Variants in MAGI2 observed in about 807,000 individuals in gnomAD.
The protein encoded by MAGI2 is membrane-associated guanylate kinase, WW and PDZ domain-containing protein 2.
A neutral mutation model predicts 133.3 loss-of-function variants in MAGI2; 35 were observed. That is an observed-to-expected ratio of 0.26 (90% CI 0.20 to 0.35). The LOEUF is 0.35. MAGI2 is among the 10% of genes least tolerant of loss of function. The pLI is 1.00. For synonymous variants in MAGI2, 729 were observed against 710.6 expected, an observed-to-expected ratio of 1.03 and a Z score of -0.41; for missense variants, 1,636 against 1,863.4, an observed-to-expected ratio of 0.88 and a Z score of 2.25.
In MAGI2 at chr7:79,284,500, A is replaced by T. The variant is rs1193776265; in HGVS notation, c.301+168520T>A. Among the ~76,000 whole-genome samples, 5 of 152,084 alleles carry T rather than the reference A, an allele frequency of 3.3e-5. No individual in the cohort carries two copies. In the South Asian group the frequency reaches 1.0e-3, roughly 31 times the overall value. On this transcript the variant is annotated intron_variant, in intron 1 of 21. Coordinates refer to ENST00000354212, the MANE Select transcript of MAGI2 (RefSeq NM_012301.4). Reference sequence around the variant, plus strand: ...ATATGCTGGCCTCTTCCAATTTTTCATCCTCCTACTCATGACTTATTTTCT... The same window carrying T: ...ATATGCTGGCCTCTTCCAATTTTTCTTCCTCCTACTCATGACTTATTTTCT...
intron 2 of MAGI2, among the ~76,000 whole-genome samples, chr7:78,632,724 T>C (rs566357318): frequency 8.5e-4 from 130 of 152,184 alleles, no homozygotes; most frequent in Non-Finnish European, 1.6e-3. Flanking sequence ...GACACTTACA[T>C]GTCAACCCTC....
At chr7:79,189,275 G>C (rs1457570804) in intron 1 of MAGI2, among the ~76,000 whole-genome samples, 1 of 140,756 alleles carries the variant, frequency 7.1e-6, no homozygotes, top group East Asian at 2.1e-4. Flanking sequence ...ACAATCCTAG[G>C]AGCCTCATTC....
intron 1 of MAGI2, among the ~76,000 whole-genome samples, chr7:79,042,978 G>T (rs1191408391): frequency 6.6e-6 from 1 of 152,066 alleles, no homozygotes; most frequent in Non-Finnish European, 1.5e-5. Flanking sequence ...GCTCCTGAAT[G>T]ATTTTTGGGT....
chr7:78,970,024 C>T (rs1393735467), intron 2 of MAGI2, among the ~76,000 whole-genome samples: 1 of 151,970 alleles, frequency 6.6e-6, no homozygotes, highest in Non-Finnish European at 1.5e-5. Context: ...ATGCATGCTG[C>T]CACCATTCCC....
At chr7:78,785,609 A>G (rs572874868) in intron 2 of MAGI2, among the ~76,000 whole-genome samples, 1 of 152,280 alleles carries the variant, frequency 6.6e-6, no homozygotes, top group South Asian at 2.1e-4. Context: ...ATTTACTCAC[A>G]TAATTGCTTC....
intron 21 of MAGI2, among the ~76,000 whole-genome samples, chr7:78,030,911 A>G (rs1360803055): frequency 6.6e-6 from 1 of 152,198 alleles, no homozygotes; most frequent in African/African-American, 2.4e-5. Flanking sequence ...TCACACAAAA[A>G]CCTGTATGCG....
intron 3 of MAGI2, among the ~76,000 whole-genome samples, chr7:78,573,305 T>TATATATATATATTTATATATATAA (rs1801871719): frequency 3.1e-5 from 2 of 64,596 alleles, no homozygotes; most frequent in Admixed American, 5.3e-4. Flanking sequence ...TATATATTTA[T>TATATATATATATTTATATATATAA]ATATATAAAT....
Position 79,136,080 on chromosome 7 carries a change from A to G in MAGI2, c.302-128874T>C, listed in dbSNP as rs535747911. On this transcript the variant is annotated intron_variant, in intron 1 of 21. Transcript: ENST00000354212. Reference sequence around the variant, plus strand: ...AAGAAAGAAAGAAGGAAAGAAAGAAAGAAAGAAAGAAAGAAAGAAAGAAAG... The same window carrying G: ...AAGAAAGAAAGAAGGAAAGAAAGAAGGAAAGAAAGAAAGAAAGAAAGAAAG... 1.9e-3 allele frequency among the ~76,000 whole-genome samples: 238 copies of G among 128,110 alleles called. 2 individuals are homozygous for G. Among genetic ancestry groups the G allele is most frequent in the African/African-American group, 6.3e-3 (193 of 30,548 alleles). 84.0% of individuals were successfully genotyped at this position (128,110 alleles called of 152,430 possible).
At chr7:78,858,118 T>G (rs892056620) in intron 2 of MAGI2, among the ~76,000 whole-genome samples, 1 of 152,226 alleles carries the variant, frequency 6.6e-6, no homozygotes, top group Non-Finnish European at 1.5e-5. Context: ...CATTTTTTAT[T>G]GCATCTATTT....
At chr7:79,021,847 T>TC (rs71095374) in intron 1 of MAGI2, among the ~76,000 whole-genome samples, 89,279 of 151,894 alleles carry the variant, frequency 0.59, 26,563 homozygotes, top group East Asian at 0.63. Context: ...TGCGTCTTTG[T>TC]CCCAACCAAA....
chr7:78,533,782 A>G (rs1011534901), intron 3 of MAGI2, among the ~76,000 whole-genome samples: 1 of 152,242 alleles, frequency 6.6e-6, no homozygotes, highest in Non-Finnish European at 1.5e-5. Flanking sequence ...TCTGAAAAAA[A>G]GTAAGACTCA....
At chr7:78,306,728 T>C (rs1219687827) in intron 9 of MAGI2, among the ~76,000 whole-genome samples, 1 of 152,180 alleles carries the variant, frequency 6.6e-6, no homozygotes, top group Non-Finnish European at 1.5e-5. Context: ...GGCTATCATT[T>C]GACACATTTC....
intron 9 of MAGI2, among the ~76,000 whole-genome samples, chr7:78,340,303 T>C (rs538618449): frequency 4.5e-4 from 69 of 152,234 alleles, no homozygotes; most frequent in Non-Finnish European, 8.1e-4. Flanking sequence ...ATTTCTGAAA[T>C]TGAGGCAGTA....
At chr7:78,972,969 A>G (rs1182912508) in intron 2 of MAGI2, among the ~76,000 whole-genome samples, 1 of 140,544 alleles carries the variant, frequency 7.1e-6, no homozygotes, top group Non-Finnish European at 1.6e-5. Context: ...ACACACACAC[A>G]CAGAGTTTTC....
intron 3 of MAGI2, among the ~76,000 whole-genome samples, chr7:78,626,881 A>G (rs1385194624): frequency 6.6e-6 from 1 of 150,632 alleles, no homozygotes; most frequent in Non-Finnish European, 1.5e-5. Flanking sequence ...GTATATATAT[A>G]ATAGGTGTAT....
intron 9 of MAGI2, among the ~76,000 whole-genome samples, chr7:78,322,663 G>A (rs192982074): frequency 4.0e-4 from 61 of 152,208 alleles, no homozygotes; most frequent in African/African-American, 1.4e-3. Flanking sequence ...TAATGTAGAT[G>A]ACAGTTTGAT....
At chr7:78,256,609 T>C in intron 9 of MAGI2, 28 bp from the exon 10 acceptor site, 1 of 1,581,976 alleles carries the variant, frequency 6.3e-7, no homozygotes, top group Non-Finnish European at 8.6e-7. Flanking sequence ...ATTGACAACA[T>C]GAGGTAAGTT....
intron 1 of MAGI2, among the ~76,000 whole-genome samples, chr7:79,376,806 A>G (rs1427339788): frequency 6.9e-6 from 1 of 145,684 alleles, no homozygotes; most frequent in African/African-American, 2.6e-5. Flanking sequence ...AACCACAGAT[A>G]AGAGAGGATT....
intron 16 of MAGI2, chr7:78,158,494 A>C (rs1250661820): frequency 6.6e-6 from 1 of 152,210 alleles, no homozygotes; most frequent in East Asian, 1.9e-4. Context: ...AGTTGCGTTC[A>C]TCTACTTCTC....
Sources: allele counts gnomAD v4.1 joint callset (sites outside exome capture counted in the v4.1 genomes callset), GRCh38; gene constraint gnomAD v4.1.1; transcripts MANE v1.5; gene names NCBI Gene and HGNC (gene_info 2026-07-23, HGNC 2026-07-21).